The following UGT2A1 variants were observed in gnomAD, a reference collection of about 807,000 sequenced individuals.
UGT2A1 encodes UDP-glucuronosyltransferase 2A1.
In UGT2A1, 61 loss-of-function variants were observed where a neutral mutation model predicts 45.4. The ratio of observed to expected loss-of-function variants is 1.34; its 90% CI spans 1.09 to 1.66. The LOEUF is 1.66. UGT2A1 is among the 40% of genes most tolerant of loss of function. The pLI is 0.00. For missense variants in UGT2A1, 649 were observed against 574.3 expected (o/e 1.13, Z -1.33); for synonymous variants, 229 against 196.2 (o/e 1.17, Z -1.40).
rs1467969772 is a variant in UGT2A1, at chr4:69,588,760, C to A, written c.*612G>T. ...TTGAAGAAAGGCAGGCAAGTTATGC[C>A]GTGATTTTCTAGATATGCTTAATGA... is the stretch of plus-strand genomic sequence containing the variant. On this transcript the variant is annotated 3_prime_UTR_variant, in exon 7 of 7. Transcript: ENST00000286604. 1.3e-5 allele frequency: 2 copies of A among 151,876 alleles called. No homozygotes were observed. Among genetic ancestry groups the A allele is most frequent in the Non-Finnish European group, 2.9e-5 (2 of 67,996 alleles). 9.4% of individuals were successfully genotyped at this position (151,876 alleles called of 1,614,324 possible).
At chr4:69,642,751 C>A (rs1205283171) in intron 2 of UGT2A1, among the ~76,000 whole-genome samples, 2 of 151,352 alleles carry the variant, frequency 1.3e-5, no homozygotes, top group Non-Finnish European at 3.0e-5. Context: ...CCTAATTATT[C>A]ATATATAATG....
intron 3 of UGT2A1, among the ~76,000 whole-genome samples, chr4:69,634,877 C>A (rs1436280521): frequency 6.6e-6 from 1 of 152,108 alleles, no homozygotes. Flanking sequence ...CCATTACCCT[C>A]ATTTTTATCT....
intron 2 of UGT2A1, among the ~76,000 whole-genome samples, chr4:69,644,124 C>A (rs565529698): frequency 6.6e-6 from 1 of 151,632 alleles, no homozygotes; most frequent in Non-Finnish European, 1.5e-5. Flanking sequence ...AGGATAAGAA[C>A]ATCTTTAGAA....
At chr4:69,607,809 A>G (rs1385818824) in intron 3 of UGT2A1, among the ~76,000 whole-genome samples, 1 of 152,240 alleles carries the variant, frequency 6.6e-6, no homozygotes, top group East Asian at 1.9e-4. Flanking sequence ...GCCAAAAGAC[A>G]CATGAAAAAA....
At chr4:69,632,270 T>C (rs566487469) in intron 3 of UGT2A1, among the ~76,000 whole-genome samples, 5 of 152,276 alleles carry the variant, frequency 3.3e-5, no homozygotes, top group African/African-American at 1.2e-4. Context: ...TAACATGTAA[T>C]GTTACAAAGC....
chr4:69,635,360 A>G (rs907920305), intron 3 of UGT2A1, among the ~76,000 whole-genome samples: 1 of 152,178 alleles, frequency 6.6e-6, no homozygotes. Flanking sequence ...TGGAAACCCA[A>G]AAGACACATG....
intron 3 of UGT2A1, among the ~76,000 whole-genome samples, chr4:69,615,639 A>G (rs1720334589): frequency 1.3e-5 from 2 of 152,054 alleles, no homozygotes; most frequent in South Asian, 4.1e-4. Flanking sequence ...CATCAAAGAA[A>G]TGCAAGTAAA....
intron 3 of UGT2A1, among the ~76,000 whole-genome samples, chr4:69,601,697 A>C (rs1339830817): frequency 2.0e-5 from 3 of 151,854 alleles, no homozygotes; most frequent in African/African-American, 7.3e-5. Flanking sequence ...AATCTCACAA[A>C]GTCTATGTAA....
intron 2 of UGT2A1, among the ~76,000 whole-genome samples, chr4:69,642,080 TA>T (rs1722072021): frequency 6.6e-6 from 1 of 151,706 alleles, no homozygotes; most frequent in African/African-American, 2.4e-5. Context: ...GATAGGCTAT[TA>T]ACAATGCACA....
chr4:69,610,959 T>C lies in UGT2A1; in HGVS notation c.848-11565A>G, dbSNP rs796065810. 3.2e-4 allele frequency among the ~76,000 whole-genome samples: 49 copies of C among 152,270 alleles called. 1 individual carries two copies. The highest frequency in any genetic ancestry group is 1.2e-3 in the African/African-American group (49 of 41,576). ...CTTTGGTTTGTTAGTTCACATTTCC[T>C]TATGATTCTTAAAGATAATAGTTGG... is the stretch of plus-strand genomic sequence containing the variant. On this transcript the variant is annotated intron_variant, in intron 3 of 6. Transcript: ENST00000286604.
chr4:69,627,134 C>T (rs995394164), intron 3 of UGT2A1, among the ~76,000 whole-genome samples: 1 of 151,846 alleles, frequency 6.6e-6, no homozygotes, highest in Non-Finnish European at 1.5e-5. Flanking sequence ...TACTGACACA[C>T]ACATAAACAT....
At chr4:69,641,619 T>TCTC (rs1191733249) in intron 2 of UGT2A1, among the ~76,000 whole-genome samples, 1 of 151,900 alleles carries the variant, frequency 6.6e-6, no homozygotes, top group East Asian at 1.9e-4. Flanking sequence ...AAGCTTAAAT[T>TCTC]TAGATGTACT....
At position 69,594,629 on chromosome 4, in the gene UGT2A1, G is replaced by A. The variant is rs371172386; in HGVS notation, c.1152C>T (p.His384=). ...GTNGIYEAIY[H]GVPMVGVPMF... ...TGGGAACTCCCACCATAGGGACTCC[G>A]TGGTAAATAGCTTCGTAGATCCCAT... Residue 384 remains histidine (H), a synonymous_variant, in exon 6 of 7, where the codon CAC becomes CAT. Coordinates refer to ENST00000286604, the MANE Select transcript of UGT2A1 (RefSeq NM_001252275.3). 52 of 1,613,976 alleles carry A rather than the reference G, an allele frequency of 3.2e-5. No homozygotes were observed. The highest frequency in any genetic ancestry group is 3.8e-5 in the Non-Finnish European group (45 of 1,180,030).
intron 4 of UGT2A1, among the ~76,000 whole-genome samples, chr4:69,596,058 A>G (rs974080097): frequency 5.9e-5 from 9 of 152,230 alleles, no homozygotes; most frequent in Non-Finnish European, 1.2e-4. Flanking sequence ...AATAATGCCA[A>G]GGCTCAGTAG....
At chr4:69,619,122 C>T (rs78300321) in intron 3 of UGT2A1, among the ~76,000 whole-genome samples, 6,733 of 151,814 alleles carry the variant, frequency 0.044, 198 homozygotes, top group Middle Eastern at 0.071. Flanking sequence ...TACAGGCCAC[C>T]TGATGTGCTT....
At chr4:69,598,261 C>T (rs1489418302) in intron 4 of UGT2A1, among the ~76,000 whole-genome samples, 1 of 151,284 alleles carries the variant, frequency 6.6e-6, no homozygotes, top group Non-Finnish European at 1.5e-5. Flanking sequence ...ATTTAGTACT[C>T]TTATAGGAAC....
chr4:69,640,695 A>G (rs982483990), intron 2 of UGT2A1, among the ~76,000 whole-genome samples: 2 of 151,968 alleles, frequency 1.3e-5, no homozygotes, highest in African/African-American at 4.8e-5. Context: ...AAATTATGTA[A>G]TTTCAGGCCC....
At chr4:69,593,552 A>G (rs1560465835) in intron 6 of UGT2A1, among the ~76,000 whole-genome samples, 2 of 149,350 alleles carry the variant, frequency 1.3e-5, no homozygotes, top group Non-Finnish European at 3.0e-5. Context: ...TAAGCTATAT[A>G]TATAGACTTA....
At chr4:69,599,635 G>A (rs1719143599) in intron 3 of UGT2A1, 2 of 419,184 alleles carry the variant, frequency 4.8e-6, no homozygotes, top group South Asian at 5.8e-5. Flanking sequence ...CAAGCAGGGA[G>A]GGAGAGAGAG....
Sources: allele counts gnomAD v4.1 joint callset (sites outside exome capture counted in the v4.1 genomes callset), GRCh38; gene constraint gnomAD v4.1.1; transcripts MANE v1.5; gene names NCBI Gene and HGNC (gene_info 2026-07-23, HGNC 2026-07-21).